The following OSBPL9 variants were observed in gnomAD, a reference collection of about 807,000 sequenced individuals.
OSBPL9 encodes the protein oxysterol binding protein like 9.
In OSBPL9, 40 loss-of-function variants were observed where a neutral mutation model predicts 106.6. That is an observed-to-expected ratio of 0.38 (90% CI 0.29 to 0.49). The LOEUF (loss-of-function observed/expected upper bound fraction) is 0.49, where lower values mean the gene tolerates loss of function less well. OSBPL9 is among the 20% of genes least tolerant of loss of function. OSBPL9 has a pLI of 0.97. For missense variants in OSBPL9, 609 were observed against 887.2 expected (o/e 0.69, Z 3.98); for synonymous variants, 269 against 295.4 (o/e 0.91, Z 0.92).
chr1:51,698,005 G>T (rs1179109384), intron 3 of OSBPL9, among the ~76,000 whole-genome samples: 2 of 151,890 alleles, frequency 1.3e-5, no homozygotes, highest in African/African-American at 4.8e-5. Flanking sequence ...TGTATGTCAG[G>T]CATCGTGGTA....
At chr1:51,548,397 C>CT in the OSBPL9 span, among the ~76,000 whole-genome samples, 1 of 151,574 alleles carries the variant, frequency 6.6e-6, no homozygotes, top group African/African-American at 2.4e-5. Context: ...CCACACCTAG[C>CT]TTGGTTTTTA....
At chr1:51,642,239 G>C (rs1265813440) in intron 1 of OSBPL9, among the ~76,000 whole-genome samples, 1 of 152,134 alleles carries the variant, frequency 6.6e-6, no homozygotes, top group South Asian at 2.1e-4. Flanking sequence ...ACGTGTCTCC[G>C]TCCTATCATT....
At chr1:51,756,190 T>C (rs1670292921) in intron 8 of OSBPL9, 130 bp from the exon 9 acceptor site, 1 of 723,466 alleles carries the variant, frequency 1.4e-6, no homozygotes, top group Admixed American at 2.5e-5. Context: ...ATTAAAATCT[T>C]AGTGGAGGCA....
the OSBPL9 span, among the ~76,000 whole-genome samples, chr1:51,539,328 A>C: frequency 6.6e-6 from 1 of 152,008 alleles, no homozygotes; most frequent in South Asian, 2.1e-4. Flanking sequence ...CTCAACCCCC[A>C]TGTCCAGTCC....
intron 2 of OSBPL9, among the ~76,000 whole-genome samples, chr1:51,654,604 T>C (rs887079657): frequency 2.0e-5 from 3 of 152,124 alleles, no homozygotes; most frequent in African/African-American, 7.2e-5. Flanking sequence ...TTATTTGCAA[T>C]ATTCATAGCA....
chr1:51,651,935 A>T, intron 1 of OSBPL9, 56 bp from the exon 2 acceptor site: 1 of 1,410,558 alleles, frequency 7.1e-7, no homozygotes, highest in Non-Finnish European at 9.9e-7. Flanking sequence ...TGATTCTAAA[A>T]ACAATTTACC....
At chr1:51,617,021 G>GGC, upstream of OSBPL9, 20 of 704,326 alleles carry the variant, frequency 2.8e-5, no homozygotes, top group Non-Finnish European at 3.9e-5. Context: ...CCCAGGACCC[G>GGC]CCCCGCCCCC....
At chr1:51,602,206 G>A (rs1214028855) in intron 2 of OSBPL9, among the ~76,000 whole-genome samples, 5 of 151,068 alleles carry the variant, frequency 3.3e-5, no homozygotes, top group African/African-American at 1.2e-4. Flanking sequence ...ATTTTTAGTA[G>A]AGACGGGGTT....
intron 4 of OSBPL9, among the ~76,000 whole-genome samples, chr1:51,737,537 A>C (rs1665954663): frequency 2.2e-5 from 3 of 137,280 alleles, no homozygotes. Context: ...CATGTGTTAT[A>C]TTTCAGGGGT....
At chr1:51,782,063 G>A (rs1205745772) in intron 16 of OSBPL9, among the ~76,000 whole-genome samples, 1 of 152,082 alleles carries the variant, frequency 6.6e-6, no homozygotes, top group Non-Finnish European at 1.5e-5. Flanking sequence ...AGAAGAGTAG[G>A]TAACCCAGAA....
chr1:51,660,846 A>C (rs1400272701), intron 2 of OSBPL9, among the ~76,000 whole-genome samples: 2 of 152,170 alleles, frequency 1.3e-5, no homozygotes, highest in African/African-American at 2.4e-5. Context: ...CTTGGCCCAG[A>C]ATAGGTATTT....
chr1:51,598,350 G>A (rs576444421), intron 2 of OSBPL9, among the ~76,000 whole-genome samples: 12 of 152,376 alleles, frequency 7.9e-5, no homozygotes, highest in East Asian at 1.9e-4. Context: ...ATTGGCCCAG[G>A]CCTTGAATGC....
At chr1:51,735,371 T>C (rs1029986732) in intron 4 of OSBPL9, among the ~76,000 whole-genome samples, 2 of 152,220 alleles carry the variant, frequency 1.3e-5, no homozygotes, top group African/African-American at 4.8e-5. Flanking sequence ...CTGTAGTCAC[T>C]TGATTAAAGA....
intron 2 of OSBPL9, among the ~76,000 whole-genome samples, chr1:51,663,234 CTATT>C (rs1373594501): frequency 4.0e-5 from 6 of 151,850 alleles, no homozygotes; most frequent in African/African-American, 1.4e-4. Context: ...AAATGACAGT[CTATT>C]TATTTAGACT....
chr1:51,703,557 T>G (rs1657782975), intron 3 of OSBPL9, among the ~76,000 whole-genome samples: 1 of 152,198 alleles, frequency 6.6e-6, no homozygotes, highest in Non-Finnish European at 1.5e-5. Context: ...GACAATGGGG[T>G]CTTCTAGATA....
At chr1:51,718,769 C>G (rs1037954789) in intron 4 of OSBPL9, among the ~76,000 whole-genome samples, 1 of 152,136 alleles carries the variant, frequency 6.6e-6, no homozygotes, top group Non-Finnish European at 1.5e-5. Context: ...TAATCAGTAT[C>G]GAATTATAGC....
intron 1 of OSBPL9, among the ~76,000 whole-genome samples, chr1:51,637,177 C>A (rs188001008): frequency 6.6e-6 from 1 of 152,272 alleles, no homozygotes. Context: ...ACCTTTCTGT[C>A]ACTGATTCCT....
At chr1:51,534,852 T>C in the OSBPL9 span, among the ~76,000 whole-genome samples, 1 of 152,252 alleles carries the variant, frequency 6.6e-6, no homozygotes, top group Non-Finnish European at 1.5e-5. Flanking sequence ...CCCAGGGTCC[T>C]GCCTATAAAA....
At chr1:51,708,264 C>CTTTTTT (rs71063050) in intron 3 of OSBPL9, 5 of 130,280 alleles carry the variant, frequency 3.8e-5, no homozygotes, top group Non-Finnish European at 4.9e-5. Context: ...TTTTCTTTTT[C>CTTTTTT]TTTTTTTTTT....
Sources: gnomAD v4.1 joint callset for allele counts (sites outside exome capture counted in the v4.1 genomes callset) on GRCh38, gnomAD v4.1.1 for gene constraint, MANE v1.5 for transcripts, NCBI Gene and HGNC (gene_info 2026-07-23, HGNC 2026-07-21) for gene names.